The following OSTN variants were observed in gnomAD, a reference collection of about 807,000 sequenced individuals.
OSTN encodes the protein osteocrin.
Under a neutral mutation model 12.0 loss-of-function variants are expected in OSTN, and 9 were observed. That is an observed-to-expected ratio of 0.75 (90% CI 0.45 to 1.30). OSTN has a LOEUF of 1.30. Ranked by LOEUF, OSTN falls within the 50% of genes most tolerant of loss-of-function variation. OSTN has a pLI of 0.00. For synonymous variants in OSTN, 59 were observed against 56.9 expected (o/e 1.04, Z -0.16); for missense variants, 148 against 152.3 (o/e 0.97, Z 0.15).
chr3:191,203,686 T>C (rs1714203042), intron 1 of OSTN, among the ~76,000 whole-genome samples: 1 of 124,594 alleles, frequency 8.0e-6, no homozygotes, highest in Non-Finnish European at 1.7e-5. Context: ...TATTACTTTA[T>C]AAAAAATTTG....
At chr3:191,237,510 A>G (rs13077389) in intron 3 of OSTN, among the ~76,000 whole-genome samples, 95,767 of 152,100 alleles carry the variant, frequency 0.63, 30,803 homozygotes, top group Middle Eastern at 0.73. Flanking sequence ...AAGGCCAAGC[A>G]GGCATCTTGG....
At chr3:191,237,032 G>A (rs1055413083) in intron 3 of OSTN, among the ~76,000 whole-genome samples, 9 of 152,128 alleles carry the variant, frequency 5.9e-5, no homozygotes, top group Non-Finnish European at 4.4e-5. Flanking sequence ...TTTGCAGAAA[G>A]TAGCTTTCTA....
rs776756685 is a variant in OSTN at position 191,250,043 on chromosome 3, A to C, written c.324A>C (p.Val108=). ...SVDHKGKQRK[V]VDHPKRRFGI... ...CCTCCTTGGTTTGTTTCAGGAAAGTAGTAGATCATCCAAAAAGGCGATTTG... is the reference window on the plus strand; with the variant it reads ...CCTCCTTGGTTTGTTTCAGGAAAGTCGTAGATCATCCAAAAAGGCGATTTG... The change falls in exon 4 of 5, where the codon GTA becomes GTC. Residue 108 remains valine (V), a synonymous_variant. Coordinates refer to ENST00000682035, the MANE Select transcript of OSTN (RefSeq NM_198184.2). 3.1e-6 allele frequency: 5 copies of C among 1,612,788 alleles called. No homozygotes were observed. Among genetic ancestry groups the C allele is most frequent in the Non-Finnish European group, 3.4e-6 (4 of 1,178,890 alleles).
In OSTN at chr3:191,210,274, C is replaced by T. The variant is rs371404453; in HGVS notation, c.1-2259C>T. On this transcript the variant is annotated intron_variant, in intron 1 of 4. Transcript: ENST00000682035. ...TATCCAGTGGTCTCCCTCCAGGCCC[C>T]GCCTCCAATACTGGAGGCAACTCAC... is the stretch of plus-strand genomic sequence containing the variant. Among the ~76,000 whole-genome samples, 16 of 152,290 alleles carry T rather than the reference C, an allele frequency of 1.1e-4. No homozygotes were observed. The East Asian group carries it at 2.1e-3, about 20-fold the overall frequency.
At chr3:191,236,903 A>T (rs1356994787) in intron 3 of OSTN, among the ~76,000 whole-genome samples, 1 of 152,210 alleles carries the variant, frequency 6.6e-6, no homozygotes, top group South Asian at 2.1e-4. Flanking sequence ...TGCCTCTGAC[A>T]TTAGGATCCA....
At chr3:191,259,017 G>C (rs896164046) in intron 4 of OSTN, among the ~76,000 whole-genome samples, 1 of 152,064 alleles carries the variant, frequency 6.6e-6, no homozygotes, top group Non-Finnish European at 1.5e-5. Flanking sequence ...TGCCTACGAC[G>C]CTTAAAACTG....
chr3:191,255,189 C>T (rs186472697), intron 4 of OSTN, among the ~76,000 whole-genome samples: 45 of 152,182 alleles, frequency 3.0e-4, no homozygotes, highest in African/African-American at 9.9e-4. Flanking sequence ...CAATAGGATT[C>T]GTGCTCTTAT....
At chr3:191,243,367 G>A (rs9857505) in intron 3 of OSTN, among the ~76,000 whole-genome samples, 75,250 of 151,954 alleles carry the variant, frequency 0.5, 20,774 homozygotes, top group African/African-American at 0.76. Context: ...ACAACAACAA[G>A]TAGAGGAAAT....
intron 1 of OSTN, among the ~76,000 whole-genome samples, chr3:191,203,717 T>C (rs549129127): frequency 3.7e-4 from 57 of 152,202 alleles, no homozygotes; most frequent in Non-Finnish European, 2.2e-4. Context: ...AGAAAAGGGT[T>C]TTACACTTAC....
At chr3:191,244,189 T>C (rs1331225433) in intron 3 of OSTN, among the ~76,000 whole-genome samples, 2 of 152,160 alleles carry the variant, frequency 1.3e-5, no homozygotes, top group Non-Finnish European at 2.9e-5. Flanking sequence ...CCTGCTGTTT[T>C]TTGGAATGTA....
At position 191,241,167 on chromosome 3, in the gene OSTN, C is replaced by CTTTTTTTTTTTTTTTTTTTTTT. The variant is rs575332839; in HGVS notation, c.318-8862_318-8841dup. The stretch of plus-strand genomic sequence containing the variant: ...AAGTTGGTGGAGCTCTGTGCCTTGA[C>CTTTTTTTTTTTTTTTTTTTTTT]TTTTTTTTTTTTTTTTTTTTTTTTT... On this transcript the variant is annotated intron_variant, in intron 3 of 4. Coordinates refer to ENST00000682035, the MANE Select transcript of OSTN (RefSeq NM_198184.2). 1.1e-4 allele frequency among the ~76,000 whole-genome samples: 5 copies of CTTTTTTTTTTTTTTTTTTTTTT among 46,468 alleles called. 2 individuals are homozygous for CTTTTTTTTTTTTTTTTTTTTTT. The highest frequency in any genetic ancestry group is 7.5e-4 in the Admixed American group (2 of 2,666). 30.5% of individuals were successfully genotyped at this position (46,468 alleles called of 152,430 possible). A position where few individuals can be genotyped will look rare whatever the true frequency, so the allele number is the denominator to read the frequency against.
At chr3:191,223,966 G>C (rs1305381003) in intron 3 of OSTN, among the ~76,000 whole-genome samples, 2 of 151,372 alleles carry the variant, frequency 1.3e-5, no homozygotes, top group Non-Finnish European at 2.9e-5. Flanking sequence ...GATTTAGGAT[G>C]GATAATAGTA....
chr3:191,218,633 G>T (rs1714683238), intron 2 of OSTN, 114 bp from the exon 3 acceptor site: 1 of 827,292 alleles, frequency 1.2e-6, no homozygotes, highest in Non-Finnish European at 1.9e-6. Context: ...CAAAAAAATT[G>T]TAAGATGTTA....
chr3:191,203,108 T>C (rs1172193989), intron 1 of OSTN, among the ~76,000 whole-genome samples: 1 of 152,226 alleles, frequency 6.6e-6, no homozygotes, highest in Non-Finnish European at 1.5e-5. Context: ...ACTGTAGCTG[T>C]AGAAACATAG....
intron 1 of OSTN, among the ~76,000 whole-genome samples, chr3:191,203,688 A>C (rs1382621596): frequency 8.1e-6 from 1 of 124,088 alleles, no homozygotes; most frequent in Non-Finnish European, 1.7e-5. Flanking sequence ...TTACTTTATA[A>C]AAAATTTGTT....
At chr3:191,214,220 CT>C (rs1465495213) in intron 2 of OSTN, among the ~76,000 whole-genome samples, 4 of 151,936 alleles carry the variant, frequency 2.6e-5, no homozygotes, top group African/African-American at 9.7e-5. Context: ...AAAGTCACCA[CT>C]TGGATGACCA....
At position 191,259,677 on chromosome 3, in the gene OSTN, G is replaced by A. The variant is rs139265128; in HGVS notation, c.*13-3189G>A. Among the ~76,000 whole-genome samples, 119 of 151,984 alleles carry A rather than the reference G, an allele frequency of 7.8e-4. 1 individual carries two copies. The East Asian group carries it at 0.017, about 22-fold the overall frequency. On this transcript the variant is annotated intron_variant, in intron 4 of 4. Coordinates refer to ENST00000682035, the MANE Select transcript of OSTN (RefSeq NM_198184.2). Reference sequence around the variant, plus strand: ...CCCTGACTGGGTATCAAAGCCAGGCGTTGATGCTGAAAGCATGGACTTTTA... The same window carrying A: ...CCCTGACTGGGTATCAAAGCCAGGCATTGATGCTGAAAGCATGGACTTTTA...
At chr3:191,210,895 A>G (rs566969046) in intron 1 of OSTN, among the ~76,000 whole-genome samples, 1 of 152,338 alleles carries the variant, frequency 6.6e-6, no homozygotes, top group Non-Finnish European at 1.5e-5. Flanking sequence ...ACAGTTTTGT[A>G]ACTTCCAGTA....
chr3:191,252,747 A>G (rs1375752103), intron 4 of OSTN, among the ~76,000 whole-genome samples: 1 of 152,254 alleles, frequency 6.6e-6, no homozygotes, highest in Non-Finnish European at 1.5e-5. Context: ...TATGAATAAC[A>G]AAAGACATGA....
Sources: gnomAD v4.1 joint callset for allele counts (sites outside exome capture counted in the v4.1 genomes callset) on GRCh38, gnomAD v4.1.1 for gene constraint, MANE v1.5 for transcripts, NCBI Gene and HGNC (gene_info 2026-07-23, HGNC 2026-07-21) for gene names.